EBF2: variants seen among roughly 807,000 people sequenced by gnomAD.
EBF2 encodes the protein EBF transcription factor 2, also known as transcription factor COE2.
Under a neutral mutation model 72.8 loss-of-function variants are expected in EBF2, and 21 were observed. The observed-to-expected ratio is 0.29, with a 90% confidence interval of 0.20 to 0.42. EBF2 has a LOEUF of 0.42. EBF2 is among the 10% of genes least tolerant of loss of function. EBF2 has a pLI of 1.00. For synonymous variants in EBF2, 299 were observed against 274.2 expected (o/e 1.09, Z -0.89); for missense variants, 637 against 731.2 (o/e 0.87, Z 1.49).
intron 6 of EBF2, among the ~76,000 whole-genome samples, chr8:25,997,446 C>G (rs1804652009): frequency 6.6e-6 from 1 of 151,866 alleles, no homozygotes; most frequent in African/African-American, 2.4e-5. Flanking sequence ...TGGTGTGCAC[C>G]TGTAGTCCCA....
chr8:25,913,083 G>A (rs1803154790), intron 6 of EBF2, among the ~76,000 whole-genome samples: 1 of 152,098 alleles, frequency 6.6e-6, no homozygotes, highest in Admixed American at 6.6e-5. Context: ...TTATGGAAGA[G>A]GCCATTCAAT....
intron 7 of EBF2, 57 bp downstream of exon 7, chr8:25,908,417 A>G: frequency 7.9e-7 from 1 of 1,270,578 alleles, no homozygotes; most frequent in South Asian, 1.3e-5. Context: ...AAAGAGTGAG[A>G]AGGAGAGAGA....
chr8:25,975,753 A>G (rs1265360263), intron 6 of EBF2, among the ~76,000 whole-genome samples: 1 of 152,166 alleles, frequency 6.6e-6, no homozygotes, highest in Admixed American at 6.6e-5. Context: ...TTTCATTTCT[A>G]CAGTAACTCT....
intron 6 of EBF2, among the ~76,000 whole-genome samples, chr8:25,950,180 G>A (rs1231449129): frequency 1.3e-5 from 2 of 152,222 alleles, no homozygotes; most frequent in African/African-American, 4.8e-5. Context: ...ACTCACTGAT[G>A]AATAACAGAA....
intron 6 of EBF2, among the ~76,000 whole-genome samples, chr8:25,913,404 G>T (rs188348196): frequency 1.8e-4 from 28 of 152,064 alleles, no homozygotes; most frequent in African/African-American, 6.7e-4. Context: ...TCACGCCACT[G>T]CACTCCAACC....
intron 6 of EBF2, among the ~76,000 whole-genome samples, chr8:25,974,780 T>C (rs1456037669): frequency 6.6e-6 from 1 of 150,866 alleles, no homozygotes; most frequent in Non-Finnish European, 1.5e-5. Flanking sequence ...AAAAATACAG[T>C]TTTCCAAGAA....
At position 25,861,216 on chromosome 8, in the gene EBF2, A is replaced by G; in HGVS notation, c.1175T>C (p.Leu392Ser). Residue 392 changes from leucine to serine, a missense_variant, in exon 13 of 16, where the codon TTG becomes TCG. Physicochemically the swap from Leu to Ser is moderately radical, Grantham distance 145. Around this residue, in one of 3 missense-constraint regions of EBF2, gnomAD observed 259 missense variants for 268.1 expected, o/e 0.97. Coordinates refer to ENST00000520164, the MANE Select transcript of EBF2 (RefSeq NM_022659.4). ...TTCAGCAATGTCTGCGGCTCGCTTC[A>G]AAATGATGTCCTACAAAACAACAGG... is the stretch of plus-strand genomic sequence containing the variant. ...GTPHNNQDII[L>S]KRAADIAEAL... 1 of 1,613,072 alleles carries G rather than the reference A, an allele frequency of 6.2e-7. No homozygotes were observed. The highest frequency in any genetic ancestry group is 8.5e-7 in the Non-Finnish European group (1 of 1,179,366).
chr8:25,961,420 G>A (rs187699539), intron 6 of EBF2, among the ~76,000 whole-genome samples: 6 of 152,270 alleles, frequency 3.9e-5, no homozygotes, highest in Non-Finnish European at 5.9e-5. Context: ...CTGGAGTGCA[G>A]TGGCGCGATC....
At chr8:25,863,236 T>C (rs1802242736) in intron 10 of EBF2, among the ~76,000 whole-genome samples, 2 of 152,130 alleles carry the variant, frequency 1.3e-5, no homozygotes, top group Non-Finnish European at 2.9e-5. Context: ...TATTTATACA[T>C]ATATAAACCT....
At chr8:25,891,960 CAG>C (rs1407596601) in intron 7 of EBF2, among the ~76,000 whole-genome samples, 1 of 152,130 alleles carries the variant, frequency 6.6e-6, no homozygotes, top group Non-Finnish European at 1.5e-5. Flanking sequence ...ACAAAAGAAA[CAG>C]GATAGCATAA....
chr8:25,977,038 C>A lies in EBF2; in HGVS notation c.551+56047G>T, dbSNP rs572934888. On this transcript the variant is annotated intron_variant, in intron 6 of 15. Transcript: ENST00000520164. ...AAGCTTCAGTCTCAGGGTACTTATT[C>A]ATTTCACATTAAAATCTCATGTTCC... 5.9e-5 allele frequency among the ~76,000 whole-genome samples: 9 copies of A among 152,276 alleles called. No homozygotes were observed. In the East Asian group the frequency reaches 1.7e-3, roughly 29 times the overall value.
intron 6 of EBF2, among the ~76,000 whole-genome samples, chr8:25,915,847 C>A (rs922157542): frequency 2.6e-5 from 4 of 152,096 alleles, no homozygotes; most frequent in Non-Finnish European, 5.9e-5. Flanking sequence ...CAAGCTAATG[C>A]CTTTGGTAGC....
At chr8:25,897,911 A>G (rs918298537) in intron 7 of EBF2, among the ~76,000 whole-genome samples, 1 of 152,074 alleles carries the variant, frequency 6.6e-6, no homozygotes, top group African/African-American at 2.4e-5. Flanking sequence ...TGATAGTTTG[A>G]TTTTATTTTT....
intron 7 of EBF2, among the ~76,000 whole-genome samples, chr8:25,898,542 C>T (rs1444808257): frequency 1.3e-5 from 2 of 152,004 alleles, no homozygotes; most frequent in Non-Finnish European, 2.9e-5. Flanking sequence ...TCTTAAAGGC[C>T]ACAGATACTT....
At chr8:25,935,608 G>T (rs893480455) in intron 6 of EBF2, among the ~76,000 whole-genome samples, 2 of 152,266 alleles carry the variant, frequency 1.3e-5, no homozygotes, top group African/African-American at 4.8e-5. Flanking sequence ...CAATGACAAG[G>T]GTTGACACAT....
chr8:25,949,630 G>A (rs1001957973), intron 6 of EBF2, among the ~76,000 whole-genome samples: 3 of 152,092 alleles, frequency 2.0e-5, no homozygotes, highest in African/African-American at 7.2e-5. Flanking sequence ...GAAGACATTA[G>A]TACCTTAGTA....
intron 6 of EBF2, among the ~76,000 whole-genome samples, chr8:25,912,019 C>T (rs1336295442): frequency 1.3e-5 from 2 of 152,128 alleles, no homozygotes; most frequent in African/African-American, 2.4e-5. Context: ...TATCACAGAT[C>T]AGAGCCACCT....
At chr8:26,007,847 A>G (rs890635339) in intron 6 of EBF2, among the ~76,000 whole-genome samples, 1 of 151,974 alleles carries the variant, frequency 6.6e-6, no homozygotes, top group Non-Finnish European at 1.5e-5. Flanking sequence ...AGCAGCTCCC[A>G]ATTACAGATA....
At chr8:25,883,713 TAG>T (rs991640851) in intron 10 of EBF2, among the ~76,000 whole-genome samples, 1 of 152,112 alleles carries the variant, frequency 6.6e-6, no homozygotes, top group Non-Finnish European at 1.5e-5. Flanking sequence ...TTTACTTCAA[TAG>T]AGAGTTCAGG....
Sources: allele counts gnomAD v4.1 joint callset (sites outside exome capture counted in the v4.1 genomes callset), GRCh38; gene constraint gnomAD v4.1.1; regional missense constraint gnomAD v4.1.1; transcripts MANE v1.5; gene names NCBI Gene and HGNC (gene_info 2026-07-23, HGNC 2026-07-21).